Variants in TIMM44 observed in about 807,000 individuals in gnomAD.
TIMM44 encodes the protein translocase of inner mitochondrial membrane 44.
In TIMM44, 37 loss-of-function variants were observed where a neutral mutation model predicts 63.8. That is an observed-to-expected ratio of 0.58 (90% CI 0.45 to 0.76). The LOEUF is 0.76. Among genes scored for constraint, TIMM44 ranks in the 30% least tolerant of loss-of-function variants. The probability of loss-of-function intolerance (pLI) is 0.00; values close to 1 mark genes in which losing one functional copy is unlikely to be tolerated. For synonymous variants in TIMM44, 239 were observed against 245.1 expected, an observed-to-expected ratio of 0.98 and a Z score of 0.23; for missense variants, 573 against 603.8, an observed-to-expected ratio of 0.95 and a Z score of 0.54.
chr19:7,932,177 A>G, intron 9 of TIMM44: 1 of 205,078 alleles, frequency 4.9e-6, no homozygotes, highest in East Asian at 1.3e-4. Flanking sequence ...ACCCTCATCT[A>G]TAAGCCCAAC....
chr19:7,941,848 G>A (rs148407842), intron 1 of TIMM44, among the ~76,000 whole-genome samples: 136 of 152,316 alleles, frequency 8.9e-4, no homozygotes, highest in Non-Finnish European at 1.7e-3. Context: ...CTATGCTAGT[G>A]GCAAGCAGTC....
Position 7,927,014 on chromosome 19 carries a change from C to T in TIMM44, c.*173G>A, listed in dbSNP as rs1456988046. ...GGGGAGTGTCTCCAGCTGCCGCGCA[C>T]CCGCAACAGCCCGTTGTCCCCTCCC... On this transcript the variant is annotated 3_prime_UTR_variant, in exon 13 of 13. Transcript: ENST00000270538. 3 of 921,194 alleles carry T rather than the reference C, an allele frequency of 3.3e-6. No individual in the cohort carries two copies. The highest frequency in any genetic ancestry group is 3.3e-5 in the African/African-American group (2 of 61,188). 57.1% of individuals were successfully genotyped at this position (921,194 alleles called of 1,614,324 possible).
chr19:7,929,863 T>C (rs1983930358), intron 10 of TIMM44, among the ~76,000 whole-genome samples: 1 of 152,232 alleles, frequency 6.6e-6, no homozygotes, highest in Admixed American at 6.5e-5. Flanking sequence ...TTATTTCTTT[T>C]TTTTTAAGAC....
In TIMM44 at chr19:7,926,740, T is replaced by C. The variant is rs1377206796; in HGVS notation, c.*447A>G. On this transcript the variant is annotated 3_prime_UTR_variant, in exon 13 of 13. Coordinates refer to ENST00000270538, the MANE Select transcript of TIMM44 (RefSeq NM_006351.4). Reference sequence around the variant, plus strand: ...AGCTGCTCTTCTGCAATTCGGTGTTTTATTCTTTCCAAATCTCAGGCTTAT... The same window carrying C: ...AGCTGCTCTTCTGCAATTCGGTGTTCTATTCTTTCCAAATCTCAGGCTTAT... 4.4e-6 allele frequency: 1 copy of C among 227,634 alleles called. No homozygotes were observed. Among genetic ancestry groups the C allele is most frequent in the Admixed American group, 5.2e-5 (1 of 19,338 alleles). The allele number at this position is 227,634 out of a possible 1,614,324, so 14.1% of individuals were successfully genotyped here.
chr19:7,933,807 G>C lies in TIMM44; in HGVS notation c.683+57C>G. 2 of 1,610,622 alleles carry C rather than the reference G, an allele frequency of 1.2e-6. No homozygotes were observed. The highest frequency in any genetic ancestry group is 1.7e-6 in the Non-Finnish European group (2 of 1,178,882). ...GAACCATTGGTGGGCTCCCGAAATG[G>C]ACAGCAGTGAAAGCTGCCCAAAATG... On this transcript the variant is annotated intron_variant, in intron 6 of 12. Coordinates refer to ENST00000270538, the MANE Select transcript of TIMM44 (RefSeq NM_006351.4). This position sits in a 1 kb window ranked among gnomAD's most constrained non-coding sequence, Gnocchi z 4.3.
chr19:7,933,414 A>C lies in TIMM44; in HGVS notation c.769+71T>G. The stretch of plus-strand genomic sequence containing the variant: ...AACGGGGCTGTCTTGTGCCCAATGC[A>C]GGGGGATCACCTTGCGGTCCACCAA... On this transcript the variant is annotated intron_variant, in intron 7 of 12. Coordinates refer to ENST00000270538, the MANE Select transcript of TIMM44 (RefSeq NM_006351.4). The surrounding 1 kb of genome is among the most constrained non-coding windows in gnomAD (Gnocchi z 4.3). The C allele has an allele frequency of 7.3e-7, 1 of 1,378,536 alleles. No homozygotes were observed. Among genetic ancestry groups the C allele is most frequent in the South Asian group, 1.2e-5 (1 of 86,358 alleles). 85.4% of individuals were successfully genotyped at this position (1,378,536 alleles called of 1,614,324 possible).
intron 1 of TIMM44, among the ~76,000 whole-genome samples, 162 bp from the exon 2 acceptor site, chr19:7,941,359 C>T (rs924544496): frequency 1.8e-4 from 27 of 151,062 alleles, no homozygotes; most frequent in African/African-American, 6.6e-4. Context: ...GCGATCTCAG[C>T]TCCCTGCAAC....
intron 2 of TIMM44, among the ~76,000 whole-genome samples, chr19:7,939,010 GT>G (rs71179160): frequency 1 from 152,044 of 152,046 alleles, 76,021 homozygotes; most frequent in Middle Eastern, 1. Flanking sequence ...GTTGCCAGGG[GT>G]TTGGTAGGAA....
chr19:7,933,843 G>A lies in TIMM44; in HGVS notation c.683+21C>T. The A allele has an allele frequency of 1.9e-6, 3 of 1,613,838 alleles. No individual in the cohort carries two copies. In the South Asian group the frequency reaches 3.3e-5, roughly 18 times the overall value. On this transcript the variant is annotated intron_variant, in intron 6 of 12. Coordinates refer to ENST00000270538, the MANE Select transcript of TIMM44 (RefSeq NM_006351.4). This position sits in a 1 kb window ranked among gnomAD's most constrained non-coding sequence, Gnocchi z 4.3. Reference sequence around the variant, plus strand: ...AAGCTGCCCAAAATGGGGGCAGCGAGGGCCACGGGCTGGTACCTACTCGTT... The same window carrying A: ...AAGCTGCCCAAAATGGGGGCAGCGAAGGCCACGGGCTGGTACCTACTCGTT...
chr19:7,932,636 A>T lies in TIMM44; in HGVS notation c.978T>A (p.Asn326Lys). The stretch of plus-strand genomic sequence containing the variant: ...GGGGTGTGGCACCCACCTCCAGGAC[A>T]TTGGGGATGATGTCGTTCTCGCACT... ...LKQCENDIIP[N>K]VLEAMISGEL... The change falls in exon 9 of 13, where the codon AAT becomes AAA. Residue 326 changes from asparagine (N) to lysine (K), a missense_variant. Physicochemically the swap from Asn to Lys is moderately conservative, Grantham distance 94. Coordinates refer to ENST00000270538, the MANE Select transcript of TIMM44 (RefSeq NM_006351.4). The T allele has an allele frequency of 6.2e-7, 1 of 1,613,608 alleles. No homozygotes were observed. The highest frequency in any genetic ancestry group is 8.5e-7 in the Non-Finnish European group (1 of 1,179,994).
intron 1 of TIMM44, among the ~76,000 whole-genome samples, chr19:7,941,866 G>A (rs1270794677): frequency 6.6e-6 from 1 of 152,184 alleles, no homozygotes; most frequent in Non-Finnish European, 1.5e-5. Flanking sequence ...GTCTTCTCTT[G>A]CGAGCCCACC....
intron 4 of TIMM44, 40 bp downstream of exon 4, chr19:7,935,025 T>C (rs772504662): frequency 6.3e-7 from 1 of 1,583,324 alleles, no homozygotes; most frequent in Non-Finnish European, 8.6e-7. Context: ...CAGGGGACTT[T>C]GATGGCCCCA....
chr19:7,927,319 G>T lies in TIMM44; in HGVS notation c.1240-13C>A, dbSNP rs2145169839. On this transcript the variant is annotated splice_polypyrimidine_tract_variant and intron_variant, in intron 12 of 12. Transcript: ENST00000270538. ...GCAGCACCTTGTCCTGCAGGGTGGG[G>T]TGGGAAGGGCACTGTTGAGAGGGTT... 6.2e-7 allele frequency: 1 copy of T among 1,609,342 alleles called. No individual in the cohort carries two copies. Among genetic ancestry groups the T allele is most frequent in the South Asian group, 1.1e-5 (1 of 91,012 alleles).
chr19:7,941,306 T>TG (rs931686007), intron 1 of TIMM44, 109 bp from the exon 2 acceptor site: 12 of 835,470 alleles, frequency 1.4e-5, no homozygotes, highest in Non-Finnish European at 2.4e-5. Flanking sequence ...TGGCCATTTT[T>TG]TTTTTTTTTT....
At chr19:7,941,843 C>G (rs987433428) in intron 1 of TIMM44, among the ~76,000 whole-genome samples, 2 of 152,180 alleles carry the variant, frequency 1.3e-5, no homozygotes, top group African/African-American at 4.8e-5. Context: ...AGCTTCTATG[C>G]TAGTGGCAAG....
intron 9 of TIMM44, 164 bp from the exon 10 acceptor site, chr19:7,931,352 C>G: frequency 2.9e-6 from 2 of 700,988 alleles, no homozygotes; most frequent in Non-Finnish European, 2.6e-6. Flanking sequence ...GGTGTCCCCC[C>G]CAGGCCCGTC....
At chr19:7,930,303 CTTTTTTTTTTTTTTTT>C (rs71179159) in intron 10 of TIMM44, among the ~76,000 whole-genome samples, 1 of 109,480 alleles carries the variant, frequency 9.1e-6, no homozygotes, top group Non-Finnish European at 1.8e-5. Context: ...ATGCTTGGCT[CTTTTTTTTTTTTTTTT>C]TTTTTTGGAG....
At position 7,933,830 on chromosome 19, in the gene TIMM44, A is replaced by G. The variant is rs146424154; in HGVS notation, c.683+34T>C. The G allele has an allele frequency of 2.7e-5, 44 of 1,613,342 alleles. 1 individual carries two copies. The East Asian group carries it at 9.8e-4, about 36-fold the overall frequency. ...TGGACAGCAGTGAAAGCTGCCCAAA[A>G]TGGGGGCAGCGAGGGCCACGGGCTG... On this transcript the variant is annotated intron_variant, in intron 6 of 12. Coordinates refer to ENST00000270538, the MANE Select transcript of TIMM44 (RefSeq NM_006351.4). The surrounding 1 kb of genome is among the most constrained non-coding windows in gnomAD (Gnocchi z 4.3).
At position 7,927,901 on chromosome 19, in the gene TIMM44, G is replaced by T; in HGVS notation, c.1129-134C>A. The T allele has an allele frequency of 2.7e-6, 3 of 1,119,924 alleles. No individual in the cohort carries two copies. The South Asian group carries it at 4.0e-5, about 15-fold the overall frequency. 69.4% of individuals were successfully genotyped at this position (1,119,924 alleles called of 1,614,324 possible). Reference sequence around the variant, plus strand: ...GCCCAGCACCGGTCCCTCCCCGTGGGCCTTGCCTCTCAGGCCAGGACCAGG... The same window carrying T: ...GCCCAGCACCGGTCCCTCCCCGTGGTCCTTGCCTCTCAGGCCAGGACCAGG... On this transcript the variant is annotated intron_variant, in intron 11 of 12. Transcript: ENST00000270538.
Sources: gnomAD v4.1 joint callset for allele counts (sites outside exome capture counted in the v4.1 genomes callset) on GRCh38, gnomAD v4.1.1 for gene constraint, Gnocchi (gnomAD v3.1) non-coding constraint, MANE v1.5 for transcripts, NCBI Gene and HGNC (gene_info 2026-07-23, HGNC 2026-07-21) for gene names.